Variants in CTNNA2 observed in about 807,000 individuals in gnomAD.
CTNNA2 encodes catenin alpha-2.
A neutral mutation model predicts 101.0 loss-of-function variants in CTNNA2; 42 were observed. The observed-to-expected ratio is 0.42, with a 90% CI of 0.32 to 0.54. The LOEUF is 0.54. Ranked by LOEUF, CTNNA2 falls within the 20% of genes least tolerant of loss-of-function variation. The pLI, the probability that CTNNA2 is intolerant of heterozygous loss-of-function variation, is 0.14. For missense variants in CTNNA2, 871 were observed against 1,223.1 expected (o/e 0.71, Z 4.29); for synonymous variants, 450 against 456.4 (o/e 0.99, Z 0.18).
chr2:80,041,041 G>T (rs1377504561), intron 7 of CTNNA2, among the ~76,000 whole-genome samples: 1 of 151,392 alleles, frequency 6.6e-6, no homozygotes, highest in African/African-American at 2.4e-5. Flanking sequence ...TTTATCCACA[G>T]CTAAAGATCT....
Position 79,869,873 on chromosome 2 carries a change from C to A in CTNNA2, c.523C>A (p.Arg175Ser). The change falls in exon 5 of 19, where the codon CGT (arginine) becomes AGT (serine). Residue 175 changes from arginine (R) to serine (S), a missense_variant. Physicochemically the swap from Arg to Ser is moderately radical, Grantham distance 110. Coordinates refer to ENST00000402739, the MANE Select transcript of CTNNA2 (RefSeq NM_001282597.3). ...NATNEQDLAN[R>S]FKEFGKEMVK... ...TACAAATGAGCAAGACCTTGCAAAC[C>A]GTTTTAAAGAGTTTGGGAAAGAGAT... The A allele has an allele frequency of 6.2e-7, 1 of 1,614,062 alleles. No homozygotes were observed. The highest frequency in any genetic ancestry group is 8.5e-7 in the Non-Finnish European group (1 of 1,179,986).
intron 7 of CTNNA2, among the ~76,000 whole-genome samples, chr2:80,335,223 TAAC>T: frequency 6.6e-6 from 1 of 152,330 alleles, no homozygotes. Flanking sequence ...TGGAGGGTCT[TAAC>T]AATGTGATGT....
chr2:80,233,422 C>T (rs1187609368), intron 7 of CTNNA2, among the ~76,000 whole-genome samples: 1 of 152,234 alleles, frequency 6.6e-6, no homozygotes, highest in East Asian at 1.9e-4. Context: ...GTCTCTTCTA[C>T]ATGCAAAGCT....
chr2:79,361,398 G>A (rs1677626218), intron 3 of CTNNA2, among the ~76,000 whole-genome samples: 2 of 152,168 alleles, frequency 1.3e-5, no homozygotes, highest in South Asian at 2.1e-4. Flanking sequence ...CAATATCAGA[G>A]AGATGAATGG....
intron 7 of CTNNA2, among the ~76,000 whole-genome samples, chr2:80,170,685 T>C (rs1347147239): frequency 6.6e-6 from 1 of 152,264 alleles, no homozygotes; most frequent in Admixed American, 6.5e-5. Context: ...TGATAAGTTA[T>C]ATAACTGGCC....
chr2:79,271,136 T>C (rs1675072028), intron 2 of CTNNA2, among the ~76,000 whole-genome samples: 1 of 151,416 alleles, frequency 6.6e-6, no homozygotes, highest in Non-Finnish European at 1.5e-5. Flanking sequence ...TAAGAAAATT[T>C]TCTGTGAATA....
chr2:80,138,325 A>G (rs1204305336), intron 7 of CTNNA2, among the ~76,000 whole-genome samples: 1 of 152,090 alleles, frequency 6.6e-6, no homozygotes, highest in East Asian at 1.9e-4. Flanking sequence ...TTACAGTCCC[A>G]TTGTTTGGGG....
intron 4 of CTNNA2, among the ~76,000 whole-genome samples, chr2:79,503,962 G>C (rs962024094): frequency 1.3e-5 from 2 of 152,124 alleles, no homozygotes; most frequent in African/African-American, 4.8e-5. Flanking sequence ...ATTATATCTG[G>C]AATGAAGGAG....
intron 7 of CTNNA2, among the ~76,000 whole-genome samples, chr2:79,960,129 T>TA (rs1466521404): frequency 2.6e-5 from 4 of 152,186 alleles, no homozygotes; most frequent in African/African-American, 9.6e-5. Flanking sequence ...TAGCTACTTT[T>TA]AAAATCCACT....
intron 9 of CTNNA2, among the ~76,000 whole-genome samples, chr2:80,460,377 G>A (rs1448842507): frequency 6.6e-6 from 1 of 152,056 alleles, no homozygotes; most frequent in African/African-American, 2.4e-5. Flanking sequence ...ATACTCCAGT[G>A]CTTTTTAGAT....
intron 7 of CTNNA2, among the ~76,000 whole-genome samples, chr2:80,152,575 A>G (rs111941803): frequency 6.6e-6 from 1 of 152,290 alleles, no homozygotes; most frequent in Non-Finnish European, 1.5e-5. Context: ...ATGACTAGGA[A>G]CAAAGTGCTT....
chr2:79,252,021 A>G (rs951530783), intron 2 of CTNNA2, among the ~76,000 whole-genome samples: 8 of 152,308 alleles, frequency 5.3e-5, no homozygotes, highest in African/African-American at 1.9e-4. Flanking sequence ...GAGGCCAGAG[A>G]ATAGATATCA....
intron 7 of CTNNA2, among the ~76,000 whole-genome samples, chr2:80,362,010 G>A (rs1244660334): frequency 3.3e-5 from 5 of 152,144 alleles, no homozygotes; most frequent in Non-Finnish European, 5.9e-5. Flanking sequence ...GTCACACACA[G>A]TTCAACCTGA....
intron 6 of CTNNA2, among the ~76,000 whole-genome samples, chr2:79,887,705 T>G (rs72918639): frequency 0.044 from 6,644 of 152,272 alleles, 466 homozygotes; most frequent in African/African-American, 0.15. Context: ...TTTTTGATAC[T>G]TTTTTGAAAA....
intron 2 of CTNNA2, among the ~76,000 whole-genome samples, chr2:79,717,881 C>T (rs1686211541): frequency 6.6e-6 from 1 of 152,098 alleles, no homozygotes; most frequent in South Asian, 2.1e-4. Context: ...ACCTTTCACT[C>T]TGTAATATGT....
intron 1 of CTNNA2, among the ~76,000 whole-genome samples, chr2:79,622,693 G>C (rs1038244057): frequency 6.6e-6 from 1 of 152,114 alleles, no homozygotes; most frequent in Non-Finnish European, 1.5e-5. Flanking sequence ...GGGTGACTCA[G>C]AGACCTAGAC....
intron 2 of CTNNA2, among the ~76,000 whole-genome samples, chr2:79,269,410 C>T (rs1024657464): frequency 1.3e-5 from 2 of 152,066 alleles, no homozygotes; most frequent in African/African-American, 4.8e-5. Flanking sequence ...AAAAGATTTC[C>T]AAGGGTGGCC....
intron 7 of CTNNA2, among the ~76,000 whole-genome samples, chr2:80,051,630 A>G (rs1468353488): frequency 1.3e-5 from 2 of 152,204 alleles, no homozygotes; most frequent in East Asian, 3.8e-4. Flanking sequence ...GCAACAATGA[A>G]AAATCAGGGC....
chr2:79,587,028 C>G (rs915183204), intron 1 of CTNNA2, among the ~76,000 whole-genome samples: 1 of 152,148 alleles, frequency 6.6e-6, no homozygotes. Context: ...CGTAGTATTC[C>G]ATGATGTATA....
Sources: allele counts gnomAD v4.1 joint callset (sites outside exome capture counted in the v4.1 genomes callset), GRCh38; gene constraint gnomAD v4.1.1; transcripts MANE v1.5; gene names NCBI Gene and HGNC (gene_info 2026-07-23, HGNC 2026-07-21).